The following HPSE2 variants were observed in gnomAD, a reference collection of about 807,000 sequenced individuals.
HPSE2 encodes inactive heparanase-2.
Under a neutral mutation model 60.5 loss-of-function variants are expected in HPSE2, and 38 were observed. The observed-to-expected ratio is 0.63, with a 90% confidence interval of 0.48 to 0.82. The LOEUF (loss-of-function observed/expected upper bound fraction) is 0.82, where lower values mean the gene tolerates loss of function less well. Among genes scored for constraint, HPSE2 ranks in the 40% least tolerant of loss-of-function variants. The pLI is 0.00. For synonymous variants in HPSE2, 295 were observed against 293.2 expected, an observed-to-expected ratio of 1.01 and a Z score of -0.06; for missense variants, 713 against 740.4, an observed-to-expected ratio of 0.96 and a Z score of 0.43.
At chr10:99,236,172 G>A (rs1193850984), upstream of HPSE2, among the ~76,000 whole-genome samples, 1 of 151,782 alleles carries the variant, frequency 6.6e-6, no homozygotes, top group Non-Finnish European at 1.5e-5. Flanking sequence ...TAAAGGTAAG[G>A]GGAGGGGAGC....
At chr10:99,164,765 C>G (rs1287786928) in intron 2 of HPSE2, among the ~76,000 whole-genome samples, 1 of 152,174 alleles carries the variant, frequency 6.6e-6, no homozygotes, top group Non-Finnish European at 1.5e-5. Flanking sequence ...TGGCGCATGC[C>G]TGTATTCCCA....
intron 2 of HPSE2, among the ~76,000 whole-genome samples, chr10:99,146,484 C>T (rs1846058266): frequency 6.6e-6 from 1 of 152,184 alleles, no homozygotes; most frequent in Admixed American, 6.5e-5. Flanking sequence ...CCCTTTAGTC[C>T]TTTAGTCCCT....
rs965446797 is a variant in HPSE2, at chr10:98,962,302, G to T, written c.610+181936C>A. Among the ~76,000 whole-genome samples, 143 of 139,240 alleles carry T rather than the reference G, an allele frequency of 1.0e-3. 1 individual carries two copies. The East Asian group carries it at 0.023, about 23-fold the overall frequency. The allele number at this position is 139,240 out of a possible 152,430, so 91.3% of individuals were successfully genotyped here. The stretch of plus-strand genomic sequence containing the variant: ...AAGAAAGTCATTGGTAGCTTGATGG[G>T]GATGGCATTGAATCTGTAAATTACC... On this transcript the variant is annotated intron_variant, in intron 3 of 11. Coordinates refer to ENST00000370552, the MANE Select transcript of HPSE2 (RefSeq NM_021828.5).
intron 11 of HPSE2, among the ~76,000 whole-genome samples, chr10:98,468,343 A>G (rs1347839965): frequency 1.3e-5 from 2 of 152,112 alleles, no homozygotes; most frequent in Non-Finnish European, 2.9e-5. Flanking sequence ...AAAGGCTCTA[A>G]GACCGTCATG....
Position 99,012,093 on chromosome 10 carries a change from TA to T in HPSE2, c.610+132144del, listed in dbSNP as rs1353074610. On this transcript the variant is annotated intron_variant, in intron 3 of 11. Coordinates refer to ENST00000370552, the MANE Select transcript of HPSE2 (RefSeq NM_021828.5). ...TGACATATAATTTAATACTTAAAAA[TA>T]ATATAGCTAAATTATTTTATAATAT... Among the ~76,000 whole-genome samples the T allele has an allele frequency of 3.0e-4, 46 of 151,996 alleles. 1 individual carries two copies. Among genetic ancestry groups the T allele is most frequent in the African/African-American group, 1.1e-3 (45 of 41,548 alleles).
chr10:98,864,299 T>C (rs1468262878), intron 3 of HPSE2, among the ~76,000 whole-genome samples: 1 of 152,132 alleles, frequency 6.6e-6, no homozygotes, highest in African/African-American at 2.4e-5. Flanking sequence ...TTAATTGTCC[T>C]CCATGAAATT....
At chr10:99,101,329 G>A (rs1344173360) in intron 3 of HPSE2, among the ~76,000 whole-genome samples, 1 of 152,122 alleles carries the variant, frequency 6.6e-6, no homozygotes, top group Non-Finnish European at 1.5e-5. Flanking sequence ...AAAAGGCAGG[G>A]GTTGCAATCC....
chr10:98,977,630 T>C (rs1956114869), intron 3 of HPSE2, among the ~76,000 whole-genome samples: 1 of 152,106 alleles, frequency 6.6e-6, no homozygotes, highest in Non-Finnish European at 1.5e-5. Context: ...GGGACTTCAT[T>C]ATAAAACAAA....
chr10:98,959,136 C>T (rs1317818586), intron 3 of HPSE2, among the ~76,000 whole-genome samples: 3 of 152,044 alleles, frequency 2.0e-5, no homozygotes, highest in Non-Finnish European at 4.4e-5. Flanking sequence ...GTGACTAGGA[C>T]ATAGATCATG....
the HPSE2 span, among the ~76,000 whole-genome samples, chr10:99,241,197 T>C: frequency 6.6e-6 from 1 of 152,206 alleles, no homozygotes. Context: ...GTGTTCTTAG[T>C]CAACACAAGT....
At chr10:98,743,718 T>C (rs1949557349) in intron 4 of HPSE2, among the ~76,000 whole-genome samples, 165 bp downstream of exon 4, 1 of 152,230 alleles carries the variant, frequency 6.6e-6, no homozygotes. Flanking sequence ...ATACTGTCCT[T>C]CACTATTTGG....
chr10:99,169,042 A>C (rs1233717197), intron 2 of HPSE2, among the ~76,000 whole-genome samples: 1 of 151,532 alleles, frequency 6.6e-6, no homozygotes, highest in Non-Finnish European at 1.5e-5. Context: ...AAATACAAAA[A>C]ATTAGCCAGG....
chr10:98,741,524 T>G (rs1949496434), intron 4 of HPSE2, among the ~76,000 whole-genome samples: 1 of 151,580 alleles, frequency 6.6e-6, no homozygotes, highest in South Asian at 2.1e-4. Flanking sequence ...TATATTCTCT[T>G]CTCCAACCCA....
intron 4 of HPSE2, among the ~76,000 whole-genome samples, chr10:98,734,259 T>C (rs1589731251): frequency 1.3e-5 from 2 of 152,320 alleles, no homozygotes; most frequent in South Asian, 2.1e-4. Context: ...CAATTGATGG[T>C]CATTTAGGTT....
chr10:99,109,004 C>G (rs1481361399), intron 3 of HPSE2, among the ~76,000 whole-genome samples: 1 of 152,094 alleles, frequency 6.6e-6, no homozygotes, highest in African/African-American at 2.4e-5. Context: ...TCATGAATCT[C>G]GGTCAGGAAG....
intron 4 of HPSE2, among the ~76,000 whole-genome samples, chr10:98,735,635 G>A (rs1321937958): frequency 1.3e-5 from 2 of 152,052 alleles, no homozygotes; most frequent in South Asian, 2.1e-4. Flanking sequence ...CCAAGACCAC[G>A]GGAACCCATC....
chr10:98,835,152 G>A (rs922952208), intron 3 of HPSE2, among the ~76,000 whole-genome samples: 14 of 152,110 alleles, frequency 9.2e-5, no homozygotes, highest in Non-Finnish European at 2.1e-4. Context: ...GAACCTGACT[G>A]TGTCCCTGAA....
intron 9 of HPSE2, among the ~76,000 whole-genome samples, chr10:98,572,379 G>T (rs1944522444): frequency 6.6e-6 from 1 of 152,108 alleles, no homozygotes; most frequent in Non-Finnish European, 1.5e-5. Context: ...TGTTCCAGAG[G>T]TCAGTTTTAT....
intron 7 of HPSE2, among the ~76,000 whole-genome samples, chr10:98,634,471 C>G (rs1459307899): frequency 6.6e-6 from 1 of 152,140 alleles, no homozygotes; most frequent in East Asian, 1.9e-4. Flanking sequence ...CCTCATGTTT[C>G]CTTTAATTGT....
Sources: gnomAD v4.1 joint callset for allele counts (sites outside exome capture counted in the v4.1 genomes callset) on GRCh38, gnomAD v4.1.1 for gene constraint, MANE v1.5 for transcripts, NCBI Gene and HGNC (gene_info 2026-07-23, HGNC 2026-07-21) for gene names.